The following SNTB1 variants were observed in gnomAD, a reference collection of about 807,000 sequenced individuals.
The protein encoded by SNTB1 is beta-1-syntrophin.
In SNTB1, 36 loss-of-function variants were observed where a neutral mutation model predicts 48.9. The ratio of observed to expected loss-of-function variants is 0.74; its 90% CI spans 0.56 to 0.97. The LOEUF (loss-of-function observed/expected upper bound fraction) is 0.97, where lower values mean the gene tolerates loss of function less well. Among genes scored for constraint, SNTB1 ranks in the 50% least tolerant of loss-of-function variants. The pLI, the probability that SNTB1 is intolerant of heterozygous loss-of-function variation, is 0.00. For missense variants in SNTB1, 786 were observed against 703.4 expected (o/e 1.12, Z -1.33); for synonymous variants, 299 against 294.6 (o/e 1.01, Z -0.15).
chr8:120,804,282 C>A (rs1820287333), intron 1 of SNTB1, among the ~76,000 whole-genome samples: 1 of 151,892 alleles, frequency 6.6e-6, no homozygotes, highest in Non-Finnish European at 1.5e-5. Context: ...ATTCATCCAC[C>A]CTTTAGCATT....
intron 1 of SNTB1, among the ~76,000 whole-genome samples, chr8:120,799,467 A>G (rs1365602732): frequency 6.6e-6 from 1 of 152,030 alleles, no homozygotes. Flanking sequence ...AGAGGATGCT[A>G]TATAAAAAAG....
intron 2 of SNTB1, among the ~76,000 whole-genome samples, chr8:120,643,634 T>G (rs979931992): frequency 6.6e-6 from 1 of 152,262 alleles, no homozygotes; most frequent in Non-Finnish European, 1.5e-5. Context: ...CTGTGGTGTA[T>G]GTATATCACA....
At chr8:120,673,864 AT>A (rs1331936989) in intron 2 of SNTB1, among the ~76,000 whole-genome samples, 2 of 152,156 alleles carry the variant, frequency 1.3e-5, no homozygotes, top group East Asian at 3.9e-4. Context: ...GCAATTTAAA[AT>A]ATCTGCCACA....
At chr8:120,543,137 C>G (rs1217137165) in intron 5 of SNTB1, among the ~76,000 whole-genome samples, 1 of 152,178 alleles carries the variant, frequency 6.6e-6, no homozygotes, top group Non-Finnish European at 1.5e-5. Flanking sequence ...AGCTTATGAG[C>G]TGGGCAAGGG....
chr8:120,537,563 C>T lies in SNTB1; in HGVS notation c.*1314G>A, dbSNP rs1270458301. ...TAACATATGATTCTTTAAAAACACA[C>T]AGGTCTAACAACAGATGTCTGTCTA... On this transcript the variant is annotated 3_prime_UTR_variant, in exon 7 of 7. Coordinates refer to ENST00000517992, the MANE Select transcript of SNTB1 (RefSeq NM_021021.4). The T allele has an allele frequency of 6.6e-6, 1 of 152,142 alleles. No homozygotes were observed. The highest frequency in any genetic ancestry group is 1.5e-5 in the Non-Finnish European group (1 of 68,030). 9.4% of individuals were successfully genotyped at this position (152,142 alleles called of 1,614,324 possible).
At chr8:120,602,214 A>G (rs983486429) in intron 3 of SNTB1, among the ~76,000 whole-genome samples, 2 of 152,244 alleles carry the variant, frequency 1.3e-5, no homozygotes, top group Non-Finnish European at 2.9e-5. Context: ...ATCACAAGCC[A>G]GTTCACACAC....
intron 1 of SNTB1, among the ~76,000 whole-genome samples, chr8:120,809,414 T>C (rs1820390214): frequency 1.3e-5 from 2 of 152,222 alleles, no homozygotes; most frequent in African/African-American, 4.8e-5. Flanking sequence ...TTTCAGTTTC[T>C]GTTTCAAGAA....
chr8:120,575,117 G>C lies in SNTB1; in HGVS notation c.1105C>G (p.Pro369Ala). 1 of 1,614,140 alleles carries C rather than the reference G, an allele frequency of 6.2e-7. No individual in the cohort carries two copies. The highest frequency in any genetic ancestry group is 8.5e-7 in the Non-Finnish European group (1 of 1,180,020). Residue 369 changes from proline (P) to alanine (A), a missense_variant, in exon 4 of 7, where the codon CCA (proline) becomes GCA (alanine). Coordinates refer to ENST00000517992, the MANE Select transcript of SNTB1 (RefSeq NM_021021.4). ...GCAAGAAGAGGGTATGTGTGAACTGGGCTGAACCAGGCTTCCTTCCTCCGT... is the reference window on the plus strand; with the variant it reads ...GCAAGAAGAGGGTATGTGTGAACTGCGCTGAACCAGGCTTCCTTCCTCCGT... ...MPRRKEAWFS[P>A]VHTYPLLATR...
At chr8:120,636,706 TG>T (rs1435734192) in intron 2 of SNTB1, among the ~76,000 whole-genome samples, 1 of 151,492 alleles carries the variant, frequency 6.6e-6, no homozygotes, top group Non-Finnish European at 1.5e-5. Context: ...TAAACATACG[TG>T]TGCATGTGTC....
At chr8:120,649,730 T>C (rs918639174) in intron 2 of SNTB1, among the ~76,000 whole-genome samples, 16 of 152,134 alleles carry the variant, frequency 1.1e-4, no homozygotes, top group African/African-American at 3.9e-4. Context: ...GTTTACCTAA[T>C]GAAGCCTGGG....
At chr8:120,775,754 GGAAAGAAGGAAA>G (rs1439515799) in intron 1 of SNTB1, among the ~76,000 whole-genome samples, 1 of 133,484 alleles carries the variant, frequency 7.5e-6, no homozygotes, top group Non-Finnish European at 1.6e-5. Context: ...AAGGAAGGAA[GGAAAGAAGGAAA>G]GAAGGAAGGA....
At position 120,538,455 on chromosome 8, in the gene SNTB1, TA is replaced by T. The variant is rs1815232899; in HGVS notation, c.*421del. On this transcript the variant is annotated 3_prime_UTR_variant, in exon 7 of 7. Transcript: ENST00000517992. ...GAAAAGGGATCACTGTTACTGGGGATAGGGGGCTAGGAGGAGTAGGTAAGAA... is the reference window on the plus strand; with the variant it reads ...GAAAAGGGATCACTGTTACTGGGGATGGGGGCTAGGAGGAGTAGGTAAGAA... 1.2e-5 allele frequency: 3 copies of T among 260,584 alleles called. No individual in the cohort carries two copies. The highest frequency in any genetic ancestry group is 8.2e-5 in the South Asian group (2 of 24,512). The allele number at this position is 260,584 out of a possible 1,614,324, so 16.1% of individuals were successfully genotyped here.
chr8:120,785,105 G>A (rs913502174), intron 1 of SNTB1, among the ~76,000 whole-genome samples: 2 of 152,230 alleles, frequency 1.3e-5, no homozygotes, highest in African/African-American at 2.4e-5. Flanking sequence ...GGACCTTGCA[G>A]AAGTCTGTCA....
At chr8:120,781,871 A>G (rs956194358) in intron 1 of SNTB1, among the ~76,000 whole-genome samples, 22 of 152,232 alleles carry the variant, frequency 1.4e-4, no homozygotes, top group African/African-American at 4.3e-4. Context: ...TGTCTCTAGC[A>G]TGGGAGAGAC....
At chr8:120,749,917 A>T (rs1819183213) in intron 1 of SNTB1, among the ~76,000 whole-genome samples, 1 of 152,198 alleles carries the variant, frequency 6.6e-6, no homozygotes, top group African/African-American at 2.4e-5. Context: ...AAGCCATAAC[A>T]TGGTTCTTTC....
In SNTB1 at chr8:120,811,911, G is replaced by T; in HGVS notation, c.-68C>A. 7.8e-7 allele frequency: 1 copy of T among 1,289,260 alleles called. No homozygotes were observed. Among genetic ancestry groups the T allele is most frequent in the Non-Finnish European group, 9.8e-7 (1 of 1,022,210 alleles). The allele number at this position is 1,289,260 out of a possible 1,614,324, so 79.9% of individuals were successfully genotyped here. On this transcript the variant is annotated 5_prime_UTR_variant, in exon 1 of 7. Transcript: ENST00000517992. ...GAAAAGTGGGGAAGGGTGGCCGGGG[G>T]GAGGACGCGGGGCCCGGGGGAGCGA...
At chr8:120,742,862 A>T (rs1398217577) in intron 1 of SNTB1, among the ~76,000 whole-genome samples, 1 of 152,184 alleles carries the variant, frequency 6.6e-6, no homozygotes, top group Non-Finnish European at 1.5e-5. Flanking sequence ...GGGAGGACAG[A>T]TCAACTCACA....
At chr8:120,666,565 T>C (rs747780170) in intron 2 of SNTB1, among the ~76,000 whole-genome samples, 16 of 152,204 alleles carry the variant, frequency 1.1e-4, no homozygotes, top group Non-Finnish European at 2.4e-4. Context: ...CAATGTACTT[T>C]GGTGTCATTA....
intron 1 of SNTB1, among the ~76,000 whole-genome samples, chr8:120,766,143 A>C (rs188809425): frequency 3.2e-4 from 49 of 152,328 alleles, no homozygotes; most frequent in African/African-American, 1.1e-3. Context: ...CACTCTGGGG[A>C]TATTTATTGA....
Sources: gnomAD v4.1 joint callset for allele counts (sites outside exome capture counted in the v4.1 genomes callset) on GRCh38, gnomAD v4.1.1 for gene constraint, MANE v1.5 for transcripts, NCBI Gene and HGNC (gene_info 2026-07-23, HGNC 2026-07-21) for gene names.